The following PKD2 variants were observed in gnomAD, a reference collection of about 807,000 sequenced individuals.
PKD2 encodes polycystin-2.
In PKD2, 48 loss-of-function variants were observed where a neutral mutation model predicts 105.9. That is an observed-to-expected ratio of 0.45 (90% CI 0.36 to 0.58). PKD2 has a LOEUF of 0.58. Among genes scored for constraint, PKD2 ranks in the 20% least tolerant of loss-of-function variants. PKD2 has a pLI of 0.00. For missense variants in PKD2, 1,078 were observed against 1,255.3 expected (o/e 0.86, Z 2.13); for synonymous variants, 464 against 481.1 (o/e 0.96, Z 0.46).
chr4:88,020,975 G>A (rs552440382), intron 2 of PKD2, among the ~76,000 whole-genome samples: 1 of 152,280 alleles, frequency 6.6e-6, no homozygotes, highest in African/African-American at 2.4e-5. Context: ...ATGAGCCACT[G>A]CACCCAGCCT....
At chr4:88,059,992 G>A (rs1720510161) in intron 9 of PKD2, among the ~76,000 whole-genome samples, 1 of 152,164 alleles carries the variant, frequency 6.6e-6, no homozygotes, top group South Asian at 2.1e-4. Flanking sequence ...AAGACATCCT[G>A]GTGCAGATGT....
intron 9 of PKD2, among the ~76,000 whole-genome samples, chr4:88,060,799 GTAGC>G (rs1469025884): frequency 6.6e-6 from 1 of 152,228 alleles, no homozygotes; most frequent in Non-Finnish European, 1.5e-5. Flanking sequence ...AATAGTAATA[GTAGC>G]TATCAATTAG....
chr4:88,017,211 C>A (rs759796489), intron 1 of PKD2, among the ~76,000 whole-genome samples: 3 of 151,980 alleles, frequency 2.0e-5, no homozygotes, highest in African/African-American at 7.3e-5. Flanking sequence ...GGAGATCAAG[C>A]CTTCAGTGAG....
At chr4:88,065,278 C>T (rs192176606) in intron 10 of PKD2, 96 bp from the exon 11 acceptor site, 4 of 1,053,936 alleles carry the variant, frequency 3.8e-6, no homozygotes, top group Non-Finnish European at 5.9e-6. Flanking sequence ...CAATGTACAC[C>T]AGGTTTGTAG....
At chr4:88,039,846 G>A (rs887297067) in intron 4 of PKD2, among the ~76,000 whole-genome samples, 1 of 152,020 alleles carries the variant, frequency 6.6e-6, no homozygotes, top group Non-Finnish European at 1.5e-5. Flanking sequence ...GGCTCAAGCA[G>A]TCCTCCAGCC....
At chr4:88,031,765 T>G (rs1727162408) in intron 2 of PKD2, among the ~76,000 whole-genome samples, 1 of 152,240 alleles carries the variant, frequency 6.6e-6, no homozygotes, top group African/African-American at 2.4e-5. Flanking sequence ...GTAATTGTAG[T>G]TTTGGTAATT....
chr4:88,061,721 CAGTG>C, intron 9 of PKD2, among the ~76,000 whole-genome samples, 181 bp from the exon 10 acceptor site: 1 of 150,680 alleles, frequency 6.6e-6, no homozygotes. Context: ...CTGGGCAACA[CAGTG>C]AGACTCTGTC....
chr4:88,065,587 CAGAT>C, intron 11 of PKD2, 92 bp downstream of exon 11: 3 of 1,317,862 alleles, frequency 2.3e-6, no homozygotes, highest in Non-Finnish European at 3.3e-6. Context: ...AGGGCTCATA[CAGAT>C]ACTTTTTTTT....
At chr4:88,039,179 G>A (rs2110108104) in intron 4 of PKD2, among the ~76,000 whole-genome samples, 1 of 152,226 alleles carries the variant, frequency 6.6e-6, no homozygotes, top group Admixed American at 6.5e-5. Context: ...GTACGTCACT[G>A]GTCGGAGTCA....
At chr4:88,050,114 A>G (rs889057504) in intron 6 of PKD2, among the ~76,000 whole-genome samples, 2 of 151,582 alleles carry the variant, frequency 1.3e-5, no homozygotes, top group African/African-American at 4.9e-5. Flanking sequence ...AGCTGGGACT[A>G]CAGGTGCCTG....
At chr4:88,036,094 G>C in intron 2 of PKD2, 126 bp from the exon 3 acceptor site, 1 of 1,436,982 alleles carries the variant, frequency 7.0e-7, no homozygotes, top group South Asian at 1.2e-5. Flanking sequence ...GCAAGGGTGA[G>C]AGAAGACCTT....
At chr4:88,012,888 G>A (rs965973549) in intron 1 of PKD2, among the ~76,000 whole-genome samples, 5 of 152,160 alleles carry the variant, frequency 3.3e-5, no homozygotes, top group Admixed American at 2.0e-4. Context: ...TTATCCATGC[G>A]TGCAAATTCC....
intron 7 of PKD2, among the ~76,000 whole-genome samples, chr4:88,053,656 C>CAAA (rs10717181): frequency 1.7e-5 from 2 of 117,782 alleles, no homozygotes; most frequent in Non-Finnish European, 3.9e-5. Flanking sequence ...GACCCTGTCT[C>CAAA]AAAAAAAAAA....
intron 1 of PKD2, among the ~76,000 whole-genome samples, chr4:88,010,013 G>C (rs1403048707): frequency 6.6e-6 from 1 of 152,040 alleles, no homozygotes; most frequent in Non-Finnish European, 1.5e-5. Context: ...GAAACAAAAT[G>C]AATAAGCTCA....
intron 1 of PKD2, among the ~76,000 whole-genome samples, chr4:88,017,168 C>A (rs912182282): frequency 1.3e-5 from 2 of 151,828 alleles, no homozygotes; most frequent in Non-Finnish European, 2.9e-5. Context: ...TGCAAAAAAT[C>A]AAAAAATGAG....
chr4:88,055,936 T>G, intron 7 of PKD2, 150 bp from the exon 8 acceptor site: 2 of 666,920 alleles, frequency 3.0e-6, no homozygotes, highest in South Asian at 3.5e-5. Flanking sequence ...TGTGTCAGGC[T>G]TATTTCACTT....
rs191754638 is a variant in PKD2, at chr4:88,073,119, G to A, written c.2523-1693G>A. Among the ~76,000 whole-genome samples, 4 of 149,992 alleles carry A rather than the reference G, an allele frequency of 2.7e-5. No homozygotes were observed. The East Asian group carries it at 5.9e-4, about 22-fold the overall frequency. On this transcript the variant is annotated intron_variant, in intron 13 of 14. Transcript: ENST00000237596. The stretch of plus-strand genomic sequence containing the variant: ...TAATCCTAGCACTATGGGAGGCCAA[G>A]GCAGGAGTATCACTTGACGCTAGGA...
At chr4:88,019,694 T>C in intron 2 of PKD2, 123 bp downstream of exon 2, 2 of 692,708 alleles carry the variant, frequency 2.9e-6, no homozygotes, top group South Asian at 3.1e-5. Context: ...TTCTTACCTT[T>C]GTTTTTAATT....
rs192506965 is a variant in PKD2, at chr4:88,014,215, C to A, written c.596-5243C>A. On this transcript the variant is annotated intron_variant, in intron 1 of 14. Transcript: ENST00000237596. ...AAATTTCTGGCATGGTACCATTAAC[C>A]CAAACAGAAAGAGGAGATTTCCAGA... Among the ~76,000 whole-genome samples, 143 of 152,212 alleles carry A rather than the reference C, an allele frequency of 9.4e-4. 1 individual carries two copies. In the South Asian group the frequency reaches 0.012, roughly 13 times the overall value.
Sources: gnomAD v4.1 joint callset for allele counts (sites outside exome capture counted in the v4.1 genomes callset) on GRCh38, gnomAD v4.1.1 for gene constraint, MANE v1.5 for transcripts, NCBI Gene and HGNC (gene_info 2026-07-23, HGNC 2026-07-21) for gene names.